Variants in MDP1 observed in about 807,000 individuals in gnomAD.
The protein encoded by MDP1 is magnesium dependent phosphatase 1, also known as magnesium-dependent phosphatase 1.
Under a neutral mutation model 21.6 loss-of-function variants are expected in MDP1, and 18 were observed. That is an observed-to-expected ratio of 0.83 (90% CI 0.58 to 1.24). The LOEUF is 1.24. Ranked by LOEUF, MDP1 falls within the 50% of genes most tolerant of loss-of-function variation. MDP1 has a pLI of 0.00. For synonymous variants in MDP1, 101 were observed against 83.2 expected (o/e 1.21, Z -1.16); for missense variants, 207 against 218.6 (o/e 0.95, Z 0.33).
chr14:24,215,944 T>G lies in MDP1; in HGVS notation c.12A>C (p.Leu4=). 1 of 1,614,170 alleles carries G rather than the reference T, an allele frequency of 6.2e-7. No individual in the cohort carries two copies. Among genetic ancestry groups the G allele is most frequent in the Non-Finnish European group, 8.5e-7 (1 of 1,180,016 alleles). Residue 4 remains leucine, a synonymous_variant, in exon 1 of 6, where the codon CTA becomes CTC. Transcript: ENST00000288087. MAR[L]PKLAVFDLDY... is the part of the protein sequence containing the mutation. ...CCAAATCAAAGACTGCCAGCTTCGG[T>G]AGCCGCGCCATGACCCGCACCGCAG...
At chr14:24,215,711 C>T in intron 2 of MDP1, 26 bp downstream of exon 2, 4 of 1,614,184 alleles carry the variant, frequency 2.5e-6, no homozygotes, top group Non-Finnish European at 3.4e-6. Flanking sequence ...CTATCTCGCC[C>T]CCAGTCTTCC....
rs149955578 is a variant in MDP1 at position 24,215,629 on chromosome 14, G to T, written c.132C>A (p.Asp44Glu). Residue 44 changes from aspartate to glutamate, a missense_variant, in exon 3 of 6, where the codon GAC becomes GAA. Transcript: ENST00000288087. ...DGTVRDRRGQ[D>E]VRLYPEVPEV... ...CAGGCACCTCTGGGTACAGTCGGAC[G>T]TCTTGGCCCCGCCTATCTCGTACAG... is the stretch of plus-strand genomic sequence containing the variant. 3 of 1,614,024 alleles carry T rather than the reference G, an allele frequency of 1.9e-6. No homozygotes were observed. Among genetic ancestry groups the T allele is most frequent in the African/African-American group, 2.7e-5 (2 of 74,908 alleles).
chr14:24,214,297 C>T lies in MDP1; in HGVS notation c.403+13G>A, dbSNP rs2039635603. 1 of 1,614,224 alleles carries T rather than the reference C, an allele frequency of 6.2e-7. No individual in the cohort carries two copies. The highest frequency in any genetic ancestry group is 8.5e-7 in the Non-Finnish European group (1 of 1,180,032). ...CTAGGGACCCCAAATGGCTGTTCCT[C>T]ATCACTCAGTACCCAGTTTGCTGAC... On this transcript the variant is annotated intron_variant, in intron 5 of 5. Coordinates refer to ENST00000288087, the MANE Select transcript of MDP1 (RefSeq NM_138476.4).
intron 4 of MDP1, 23 bp downstream of exon 4, chr14:24,214,469 G>C: frequency 6.2e-7 from 1 of 1,614,102 alleles, no homozygotes; most frequent in Non-Finnish European, 8.5e-7. Flanking sequence ...TTCTCACCCT[G>C]CTCCTCCCTT....
At position 24,215,963 on chromosome 14, in the gene MDP1, A is replaced by C; in HGVS notation, c.-8T>G. 6.2e-7 allele frequency: 1 copy of C among 1,614,104 alleles called. No homozygotes were observed. Among genetic ancestry groups the C allele is most frequent in the Non-Finnish European group, 8.5e-7 (1 of 1,180,030 alleles). On this transcript the variant is annotated 5_prime_UTR_variant, in exon 1 of 6. Coordinates refer to ENST00000288087, the MANE Select transcript of MDP1 (RefSeq NM_138476.4). ...CTTCGGTAGCCGCGCCATGACCCGC[A>C]CCGCAGGCTGCGCGCAGCAGAGGTG...
Position 24,215,996 on chromosome 14 carries a change from ACCCGGGGCCTTAGAG to A in MDP1, c.-56_-42del. ...CTGCGCGCAGCAGAGGTGGGGCTTC[ACCCGGGGCCTTAGAG>A]AGTGCGGAACCTCCGGCAGCTAAGG... On this transcript the variant is annotated 5_prime_UTR_variant, in exon 1 of 6. Coordinates refer to ENST00000288087, the MANE Select transcript of MDP1 (RefSeq NM_138476.4). 6.2e-7 allele frequency: 1 copy of A among 1,613,474 alleles called. No individual in the cohort carries two copies.
At position 24,215,731 on chromosome 14, in the gene MDP1, C is replaced by T. The variant is rs2039680351; in HGVS notation, c.98+6G>A. ...TCGCCCCCAGTCTTCCCTGTCCCTA[C>T]CTCACCTGCTCTTATGGAACGGAGG... On this transcript the variant is annotated splice_donor_region_variant and intron_variant, in intron 2 of 5. Coordinates refer to ENST00000288087, the MANE Select transcript of MDP1 (RefSeq NM_138476.4). 2 of 1,614,096 alleles carry T rather than the reference C, an allele frequency of 1.2e-6. No homozygotes were observed. Among genetic ancestry groups the T allele is most frequent in the Non-Finnish European group, 1.7e-6 (2 of 1,180,036 alleles).
chr14:24,215,466 C>T, intron 3 of MDP1, 86 bp downstream of exon 3: 3 of 1,385,886 alleles, frequency 2.2e-6, no homozygotes, highest in Non-Finnish European at 2.0e-6. Flanking sequence ...ACTTGCACCG[C>T]CCCTATTTTT....
At position 24,215,564 on chromosome 14, in the gene MDP1, G is replaced by C. The variant is rs17101962; in HGVS notation, c.197C>G (p.Ala66Gly). ...KRLQSLGVPG[A>G]AASRTSEIEG... ...TCGCTCTTCTTACCTTGAAGCAGCC[G>C]CACCGGGCACCCCAAGGCTCTGCAA... Residue 66 changes from alanine (A) to glycine (G), a missense_variant, in exon 3 of 6, where the codon GCG becomes GGG. Coordinates refer to ENST00000288087, the MANE Select transcript of MDP1 (RefSeq NM_138476.4). 1.1e-5 allele frequency: 17 copies of C among 1,614,006 alleles called. No homozygotes were observed. The highest frequency in any genetic ancestry group is 1.4e-5 in the Non-Finnish European group (16 of 1,180,034).
intron 3 of MDP1, among the ~76,000 whole-genome samples, chr14:24,215,232 C>T (rs2138869514): frequency 6.6e-6 from 1 of 151,898 alleles, no homozygotes; most frequent in African/African-American, 2.4e-5. Context: ...ATTACAGGTG[C>T]GTGCCACCAC....
At position 24,213,984 on chromosome 14, in the gene MDP1, A is replaced by T; in HGVS notation, c.*40T>A. On this transcript the variant is annotated 3_prime_UTR_variant, in exon 6 of 6. Coordinates refer to ENST00000288087, the MANE Select transcript of MDP1 (RefSeq NM_138476.4). ...ACACACAGATGAACTTTAATAAATT[A>T]CAAATGCACCTGAAAATGCCTTCTT... 6.5e-7 allele frequency: 1 copy of T among 1,540,992 alleles called. No homozygotes were observed. Among genetic ancestry groups the T allele is most frequent in the Non-Finnish European group, 8.7e-7 (1 of 1,146,140 alleles).
chr14:24,214,643 AGGGCTACG>A, intron 3 of MDP1, 44 bp from the exon 4 acceptor site: 1 of 1,603,586 alleles, frequency 6.2e-7, no homozygotes, highest in Non-Finnish European at 8.5e-7. Flanking sequence ...GTGAAGGGCC[AGGGCTACG>A]TTAACTTATT....
At chr14:24,215,531 G>T in intron 3 of MDP1, 21 bp downstream of exon 3, 1 of 1,612,252 alleles carries the variant, frequency 6.2e-7, no homozygotes, top group Non-Finnish European at 8.5e-7. Flanking sequence ...TACACTGTCA[G>T]TTGTCAGTCG....
At chr14:24,214,688 G>A (rs2039647428) in intron 3 of MDP1, 89 bp from the exon 4 acceptor site, 2 of 1,438,418 alleles carry the variant, frequency 1.4e-6, no homozygotes, top group Non-Finnish European at 1.9e-6. Context: ...TATAACCAGG[G>A]AAATCAACTT....
At chr14:24,214,251 T>C (rs777608388) in intron 5 of MDP1, 59 bp downstream of exon 5, 6 of 1,613,716 alleles carry the variant, frequency 3.7e-6, no homozygotes, top group Non-Finnish European at 5.1e-6. Flanking sequence ...ATCCAACCTG[T>C]ATGTATCTAC....
In MDP1 at chr14:24,213,978, T is replaced by A. The variant is rs761027347; in HGVS notation, c.*46A>T. The A allele has an allele frequency of 6.5e-7, 1 of 1,537,466 alleles. No individual in the cohort carries two copies. Among genetic ancestry groups the A allele is most frequent in the East Asian group, 2.3e-5 (1 of 44,166 alleles). On this transcript the variant is annotated 3_prime_UTR_variant, in exon 6 of 6. Transcript: ENST00000288087. ...TCTGTCACACACAGATGAACTTTAA[T>A]AAATTACAAATGCACCTGAAAATGC...
At position 24,214,168 on chromosome 14, in the gene MDP1, T is replaced by C. The variant is rs753383510; in HGVS notation, c.404-17A>G. The C allele has an allele frequency of 6.2e-7, 1 of 1,607,196 alleles. No homozygotes were observed. The highest frequency in any genetic ancestry group is 1.1e-5 in the South Asian group (1 of 90,562). ...AGGTAACACCTAGAAAGATAAGAAG[T>C]CACATTTCATTAAGCTTTCAGGGTT... On this transcript the variant is annotated splice_polypyrimidine_tract_variant and intron_variant, in intron 5 of 5. Coordinates refer to ENST00000288087, the MANE Select transcript of MDP1 (RefSeq NM_138476.4).
At position 24,215,816 on chromosome 14, in the gene MDP1, G is replaced by T; in HGVS notation, c.38-19C>A. ...GTGTAATCTGCGAGAGGAAGGAGAG[G>T]GAAGGTTCAGCCTGGGGCGGGAGAT... On this transcript the variant is annotated intron_variant, in intron 1 of 5. Transcript: ENST00000288087. The T allele has an allele frequency of 6.2e-7, 1 of 1,614,236 alleles. No homozygotes were observed. Among genetic ancestry groups the T allele is most frequent in the East Asian group, 2.2e-5 (1 of 44,884 alleles).
In MDP1 at chr14:24,214,154, A is replaced by T. The variant is rs762088409; in HGVS notation, c.404-3T>A. On this transcript the variant is annotated splice_region_variant and splice_polypyrimidine_tract_variant and intron_variant, in intron 5 of 5. Transcript: ENST00000288087. ...CTGGATGTGAATGCAGGTAACACCT[A>T]GAAAGATAAGAAGTCACATTTCATT... is the stretch of plus-strand genomic sequence containing the variant. 1 of 1,608,866 alleles carries T rather than the reference A, an allele frequency of 6.2e-7. No homozygotes were observed.
Sources: gnomAD v4.1 joint callset for allele counts (sites outside exome capture counted in the v4.1 genomes callset) on GRCh38, gnomAD v4.1.1 for gene constraint, MANE v1.5 for transcripts, NCBI Gene and HGNC (gene_info 2026-07-23, HGNC 2026-07-21) for gene names.